TBC1D5: variants seen among roughly 807,000 people sequenced by gnomAD.
TBC1D5 encodes TBC1 domain family member 5.
In TBC1D5, 75 loss-of-function variants were observed where a neutral mutation model predicts 100.3. That is an observed-to-expected ratio of 0.75 (90% confidence interval 0.62 to 0.91). TBC1D5 has a LOEUF of 0.91. Ranked by LOEUF, TBC1D5 falls within the 40% of genes least tolerant of loss-of-function variation. TBC1D5 has a pLI of 0.00. For missense variants in TBC1D5, 910 were observed against 942.4 expected, an observed-to-expected ratio of 0.97 and a Z score of 0.45; for synonymous variants, 323 against 325.6, an observed-to-expected ratio of 0.99 and a Z score of 0.09.
At chr3:17,232,321 A>G (rs1252079366) in intron 17 of TBC1D5, among the ~76,000 whole-genome samples, 1 of 152,198 alleles carries the variant, frequency 6.6e-6, no homozygotes, top group Admixed American at 6.5e-5. Context: ...TCTACTCTGT[A>G]GCAATTAATG....
chr3:17,371,449 T>C (rs2092454189), intron 13 of TBC1D5, among the ~76,000 whole-genome samples: 2 of 152,212 alleles, frequency 1.3e-5, no homozygotes, highest in South Asian at 2.1e-4. Context: ...CTGCAAATTA[T>C]GTAGCCAATC....
intron 4 of TBC1D5, among the ~76,000 whole-genome samples, chr3:17,409,406 C>A (rs777414827): frequency 6.6e-6 from 1 of 152,078 alleles, no homozygotes; most frequent in Non-Finnish European, 1.5e-5. Flanking sequence ...TCTCCTTGGA[C>A]CTCCCTAATT....
chr3:17,269,740 T>C (rs1000912041), intron 15 of TBC1D5, among the ~76,000 whole-genome samples: 1 of 147,358 alleles, frequency 6.8e-6, no homozygotes, highest in Non-Finnish European at 1.5e-5. Flanking sequence ...AGTGAGAACA[T>C]GTGATAATTT....
At chr3:17,191,989 A>G (rs1051407398) in intron 18 of TBC1D5, among the ~76,000 whole-genome samples, 1 of 152,150 alleles carries the variant, frequency 6.6e-6, no homozygotes, top group Admixed American at 6.5e-5. Flanking sequence ...ACTAATTGGG[A>G]AAACAGGTTA....
chr3:17,405,068 T>C (rs1000885784), intron 5 of TBC1D5, 107 bp from the exon 6 acceptor site: 15 of 547,720 alleles, frequency 2.7e-5, no homozygotes, highest in African/African-American at 2.7e-4. Flanking sequence ...AGTCATGATA[T>C]TTCATATTCA....
At chr3:17,350,339 G>C (rs938226732) in intron 13 of TBC1D5, among the ~76,000 whole-genome samples, 5 of 152,154 alleles carry the variant, frequency 3.3e-5, no homozygotes, top group Non-Finnish European at 5.9e-5. Context: ...GAATAAAAGT[G>C]ATAGCCTTTC....
intron 3 of TBC1D5, among the ~76,000 whole-genome samples, chr3:17,474,301 A>T (rs1394270717): frequency 1.3e-5 from 2 of 152,186 alleles, no homozygotes; most frequent in East Asian, 3.8e-4. Context: ...TATAAACTTA[A>T]CTGAGATAAA....
intron 21 of TBC1D5, among the ~76,000 whole-genome samples, chr3:17,162,551 C>T (rs1391423801): frequency 1.3e-5 from 2 of 152,214 alleles, no homozygotes; most frequent in African/African-American, 4.8e-5. Flanking sequence ...AGAGCTGCAA[C>T]AGGCCTTGAG....
chr3:17,356,031 T>C (rs2091184853), intron 13 of TBC1D5, among the ~76,000 whole-genome samples: 2 of 152,170 alleles, frequency 1.3e-5, no homozygotes, highest in Non-Finnish European at 2.9e-5. Flanking sequence ...TAATCATTTT[T>C]AATATTAAAA....
intron 1 of TBC1D5, among the ~76,000 whole-genome samples, chr3:17,664,262 G>A (rs2066986091): frequency 6.6e-6 from 1 of 150,652 alleles, no homozygotes; most frequent in Non-Finnish European, 1.5e-5. Flanking sequence ...AATAGAGACG[G>A]GGTTTCATCA....
intron 4 of TBC1D5, among the ~76,000 whole-genome samples, chr3:17,412,283 TAC>T (rs1158241370): frequency 6.6e-6 from 1 of 150,764 alleles, no homozygotes; most frequent in Non-Finnish European, 1.5e-5. Context: ...CCTCTGGTAG[TAC>T]AGAGGGGAAA....
chr3:17,384,054 A>C (rs968543144), intron 8 of TBC1D5, 39 bp from the exon 9 acceptor site: 1 of 1,514,568 alleles, frequency 6.6e-7, no homozygotes, highest in South Asian at 1.2e-5. Flanking sequence ...TGACTAACAC[A>C]GTTTCAAGAA....
At chr3:17,225,445 A>G (rs1456356029) in intron 17 of TBC1D5, among the ~76,000 whole-genome samples, 1 of 151,026 alleles carries the variant, frequency 6.6e-6, no homozygotes, top group Middle Eastern at 3.2e-3. Flanking sequence ...GTCTCAAAAA[A>G]AAAAAAAAAA....
chr3:17,317,309 G>C (rs139694815), intron 13 of TBC1D5, among the ~76,000 whole-genome samples: 166 of 152,312 alleles, frequency 1.1e-3, no homozygotes, highest in African/African-American at 3.8e-3. Flanking sequence ...AGAGCTGAAT[G>C]TATCTGCATG....
intron 3 of TBC1D5, among the ~76,000 whole-genome samples, chr3:17,480,448 G>A (rs1400678459): frequency 6.6e-6 from 1 of 152,172 alleles, no homozygotes; most frequent in African/African-American, 2.4e-5. Flanking sequence ...GCCTGCCCTT[G>A]GACGAACCAG....
intron 8 of TBC1D5, among the ~76,000 whole-genome samples, chr3:17,396,096 C>T (rs768081739): frequency 1.5e-4 from 23 of 152,020 alleles, no homozygotes; most frequent in Non-Finnish European, 2.8e-4. Flanking sequence ...TCTTAGAGAG[C>T]GGCTTGTGTT....
At chr3:17,663,867 A>AGAT (rs1343390049) in intron 1 of TBC1D5, among the ~76,000 whole-genome samples, 1 of 152,224 alleles carries the variant, frequency 6.6e-6, no homozygotes, top group African/African-American at 2.4e-5. Flanking sequence ...CTATTAAAAG[A>AGAT]GATGATATAG....
intron 13 of TBC1D5, among the ~76,000 whole-genome samples, chr3:17,336,304 C>G (rs1450658499): frequency 1.3e-5 from 2 of 151,994 alleles, no homozygotes; most frequent in African/African-American, 4.8e-5. Context: ...AACTGGAAAG[C>G]TGCATGTTTC....
chr3:17,505,995 C>T (rs1431351480), intron 3 of TBC1D5, among the ~76,000 whole-genome samples: 1 of 152,054 alleles, frequency 6.6e-6, no homozygotes, highest in Non-Finnish European at 1.5e-5. Context: ...GAACCTATGA[C>T]AAGAAATGTT....
Sources: allele counts gnomAD v4.1 joint callset (sites outside exome capture counted in the v4.1 genomes callset), GRCh38; gene constraint gnomAD v4.1.1; transcripts MANE v1.5; gene names NCBI Gene and HGNC (gene_info 2026-07-23, HGNC 2026-07-21).